The following USP10 variants were observed in gnomAD, a reference collection of about 807,000 sequenced individuals.
The protein encoded by USP10 is ubiquitin specific peptidase 10.
Under a neutral mutation model 84.5 loss-of-function variants are expected in USP10, and 22 were observed. The ratio of observed to expected loss-of-function variants is 0.26; its 90% confidence interval spans 0.19 to 0.37. The LOEUF is 0.37. Among genes scored for constraint, USP10 ranks in the 10% least tolerant of loss-of-function variants. The probability of loss-of-function intolerance (pLI) is 1.00; values close to 1 mark genes in which losing one functional copy is unlikely to be tolerated. For missense variants in USP10, 1,019 were observed against 998.9 expected (o/e 1.02, Z -0.27); for synonymous variants, 454 against 387.6 (o/e 1.17, Z -2.01).
intron 10 of USP10, 24 bp downstream of exon 10, chr16:84,764,287 T>A (rs777980492): frequency 6.2e-7 from 1 of 1,613,554 alleles, no homozygotes; most frequent in African/African-American, 1.3e-5. Flanking sequence ...TGGAATAACT[T>A]AATATTTGCC....
At chr16:84,734,149 A>T (rs1909597741) in intron 2 of USP10, among the ~76,000 whole-genome samples, 1 of 152,124 alleles carries the variant, frequency 6.6e-6, no homozygotes, top group Non-Finnish European at 1.5e-5. Flanking sequence ...GAATGGAATT[A>T]CTGGGTTCTG....
intron 12 of USP10, among the ~76,000 whole-genome samples, chr16:84,774,597 A>G (rs1017026948): frequency 2.6e-5 from 4 of 151,016 alleles, no homozygotes; most frequent in Non-Finnish European, 4.4e-5. Flanking sequence ...CAGCCTCCCG[A>G]GTAGCTGAGA....
rs747597707 is a variant in USP10 at position 84,740,366 on chromosome 16, G to C, written c.148G>C (p.Asp50His). 6.2e-7 allele frequency: 1 copy of C among 1,612,600 alleles called. No homozygotes were observed. Among genetic ancestry groups the C allele is most frequent in the South Asian group, 1.1e-5 (1 of 90,922 alleles). Residue 50 changes from aspartate to histidine, a missense_variant, in exon 3 of 14, where the codon GAT becomes CAT. Around this residue, in one of 2 missense-constraint regions of USP10, gnomAD observed 787 missense variants for 708.8 expected, o/e 1.11. Transcript: ENST00000219473. Reference protein sequence around the residue: ...CGTQAVDKLPDGQEYQRIEFG... With the variant: ...CGTQAVDKLPHGQEYQRIEFG... ...CACACAGGCTGTGGATAAACTACCT[G>C]ATGGTAAGCTAGTTCTCTCCTTATT...
At chr16:84,747,724 T>C (rs1281251899) in intron 4 of USP10, among the ~76,000 whole-genome samples, 1 of 151,932 alleles carries the variant, frequency 6.6e-6, no homozygotes, top group Non-Finnish European at 1.5e-5. Flanking sequence ...CCACAATGTC[T>C]GGCTATCTTT....
Position 84,759,595 on chromosome 16 carries a change from T to A in USP10, c.1394+123T>A, listed in dbSNP as rs185734030. On this transcript the variant is annotated intron_variant, in intron 6 of 13. Coordinates refer to ENST00000219473, the MANE Select transcript of USP10 (RefSeq NM_005153.3). The stretch of plus-strand genomic sequence containing the variant: ...TGAGTCCTATAATTCTGTCTTTTTT[T>A]AAAAATAGACTGTTGGCGATTTTAT... 1,119 of 946,934 alleles carry A rather than the reference T, an allele frequency of 1.2e-3. 1 individual carries two copies. The highest frequency in any genetic ancestry group is 9.2e-3 in the African/African-American group (553 of 60,212). 58.7% of individuals were successfully genotyped at this position (946,934 alleles called of 1,614,324 possible).
chr16:84,745,222 G>A lies in USP10; in HGVS notation c.741G>A (p.Gly247=). The part of the protein sequence containing the change: ...RTAGQPEGGP[G]ADFGQSCFPA... The stretch of plus-strand genomic sequence containing the variant: ...CAGGGCAGCCAGAGGGGGGCCCCGG[G>A]GCTGATTTTGGTCAGTCCTGCTTCC... Residue 247 remains glycine, a synonymous_variant, in exon 4 of 14, where the codon GGG becomes GGA. Transcript: ENST00000219473. The A allele has an allele frequency of 6.2e-7, 1 of 1,613,224 alleles. No individual in the cohort carries two copies. Among genetic ancestry groups the A allele is most frequent in the East Asian group, 2.2e-5 (1 of 44,874 alleles).
At chr16:84,715,746 G>C (rs1351356018) in intron 1 of USP10, among the ~76,000 whole-genome samples, 2 of 152,192 alleles carry the variant, frequency 1.3e-5, no homozygotes, top group Non-Finnish European at 2.9e-5. Context: ...GGTAGATCAG[G>C]CTTCAAAGTT....
intron 9 of USP10, 42 bp downstream of exon 9, chr16:84,763,130 G>A (rs1349648710): frequency 8.9e-6 from 12 of 1,343,930 alleles, no homozygotes; most frequent in South Asian, 1.2e-5. Context: ...GCAAGAGTTC[G>A]CTGTAAACAG....
At chr16:84,727,513 T>G (rs1908659095) in intron 1 of USP10, among the ~76,000 whole-genome samples, 1 of 152,206 alleles carries the variant, frequency 6.6e-6, no homozygotes, top group Non-Finnish European at 1.5e-5. Context: ...GCAAATAGTT[T>G]GAAACTTGAA....
intron 13 of USP10, among the ~76,000 whole-genome samples, chr16:84,775,857 C>T (rs1307974539): frequency 2.0e-5 from 3 of 150,622 alleles, no homozygotes; most frequent in Admixed American, 6.7e-5. Context: ...TCTGCCTTCC[C>T]TTTTATCCTT....
chr16:84,764,982 C>T (rs1339358106), intron 10 of USP10, among the ~76,000 whole-genome samples: 3 of 142,966 alleles, frequency 2.1e-5, no homozygotes, highest in African/African-American at 7.8e-5. Flanking sequence ...TTAAAACTTG[C>T]AACATAAAAC....
At chr16:84,776,487 C>T (rs770784097) in intron 13 of USP10, among the ~76,000 whole-genome samples, 19 of 152,250 alleles carry the variant, frequency 1.2e-4, no homozygotes, top group African/African-American at 2.2e-4. Flanking sequence ...ATGGGCACCA[C>T]GCGCTTGTGG....
chr16:84,753,367 C>A (rs535924543), intron 4 of USP10, among the ~76,000 whole-genome samples: 2 of 152,300 alleles, frequency 1.3e-5, no homozygotes, highest in African/African-American at 2.4e-5. Context: ...TGTTGGTTTT[C>A]TCAGACTCTC....
chr16:84,723,623 C>G (rs1184838392), intron 1 of USP10, among the ~76,000 whole-genome samples: 3 of 152,154 alleles, frequency 2.0e-5, no homozygotes, highest in African/African-American at 7.2e-5. Flanking sequence ...ATTTGTTCAA[C>G]AAAGCTATTT....
chr16:84,717,010 A>C (rs1251579941), intron 1 of USP10, among the ~76,000 whole-genome samples: 1 of 152,232 alleles, frequency 6.6e-6, no homozygotes, highest in African/African-American at 2.4e-5. Flanking sequence ...GAGATAGAGC[A>C]TAGCAGTGCT....
At chr16:84,733,964 G>T (rs907995365) in intron 2 of USP10, among the ~76,000 whole-genome samples, 2 of 152,098 alleles carry the variant, frequency 1.3e-5, no homozygotes, top group South Asian at 2.1e-4. Flanking sequence ...ATTTGTCCTT[G>T]TTCTTTGATT....
At chr16:84,715,750 C>A (rs1281067014) in intron 1 of USP10, among the ~76,000 whole-genome samples, 1 of 152,150 alleles carries the variant, frequency 6.6e-6, no homozygotes, top group Non-Finnish European at 1.5e-5. Context: ...GATCAGGCTT[C>A]AAAGTTGGTT....
intron 1 of USP10, among the ~76,000 whole-genome samples, chr16:84,720,298 C>T (rs1022179822): frequency 6.6e-6 from 1 of 152,154 alleles, no homozygotes; most frequent in Admixed American, 6.5e-5. Flanking sequence ...CCGGTTCCAG[C>T]GTATTTTATT....
chr16:84,739,958 C>T (rs1031635550), intron 2 of USP10, among the ~76,000 whole-genome samples: 10 of 152,198 alleles, frequency 6.6e-5, no homozygotes, highest in Non-Finnish European at 1.5e-5. Flanking sequence ...ACAAAAGTGT[C>T]TGTGGTCTGG....
Sources: allele counts gnomAD v4.1 joint callset (sites outside exome capture counted in the v4.1 genomes callset), GRCh38; gene constraint gnomAD v4.1.1; regional missense constraint gnomAD v4.1.1; transcripts MANE v1.5; gene names NCBI Gene and HGNC (gene_info 2026-07-23, HGNC 2026-07-21).